The following UNC13C variants were observed in gnomAD, a reference collection of about 807,000 sequenced individuals.
UNC13C encodes unc-13 homolog C, also known as protein unc-13 homolog C.
UNC13C carries 174 observed loss-of-function variants against 245.4 expected under a neutral mutation model. That is an observed-to-expected ratio of 0.71 (90% CI 0.63 to 0.80). The LOEUF is 0.80. Ranked by LOEUF, UNC13C falls within the 30% of genes least tolerant of loss-of-function variation. The pLI is 0.00. For synonymous variants in UNC13C, 992 were observed against 895.1 expected, an observed-to-expected ratio of 1.11 and a Z score of -1.93; for missense variants, 2,829 against 2,602.9, an observed-to-expected ratio of 1.09 and a Z score of -1.89.
chr15:53,963,561 C>T, the UNC13C span, among the ~76,000 whole-genome samples: 1 of 152,104 alleles, frequency 6.6e-6, no homozygotes, highest in Non-Finnish European at 1.5e-5. Flanking sequence ...GTATCAGCCA[C>T]AGGGTGAAAT....
intron 1 of UNC13C, among the ~76,000 whole-genome samples, chr15:54,004,087 A>C (rs1340571198): frequency 6.6e-6 from 1 of 152,200 alleles, no homozygotes; most frequent in African/African-American, 2.4e-5. Flanking sequence ...GTAGTGTGCT[A>C]TCAAATATTA....
intron 1 of UNC13C, among the ~76,000 whole-genome samples, chr15:53,992,502 A>G (rs1203650644): frequency 2.0e-5 from 3 of 152,016 alleles, no homozygotes; most frequent in African/African-American, 7.2e-5. Context: ...AGCCCCAACA[A>G]GAAGGAGAGG....
At chr15:54,395,183 C>G (rs2040045038) in intron 18 of UNC13C, among the ~76,000 whole-genome samples, 1 of 151,608 alleles carries the variant, frequency 6.6e-6, no homozygotes, top group Non-Finnish European at 1.5e-5. Context: ...AATTTAGTTT[C>G]TCATTTAATT....
At chr15:53,935,417 T>C in the UNC13C span, among the ~76,000 whole-genome samples, 1 of 152,212 alleles carries the variant, frequency 6.6e-6, no homozygotes, top group African/African-American at 2.4e-5. Context: ...GAAAAACTAC[T>C]TTGTAATACT....
intron 26 of UNC13C, among the ~76,000 whole-genome samples, chr15:54,537,770 TA>T (rs1896050447): frequency 6.6e-6 from 1 of 151,884 alleles, no homozygotes; most frequent in Non-Finnish European, 1.5e-5. Flanking sequence ...GTTGTTAGAA[TA>T]ACTGGCTAGC....
chr15:54,478,319 G>C lies in UNC13C; in HGVS notation c.4934-16289G>C, dbSNP rs1197770675. Among the ~76,000 whole-genome samples, 19 of 122,472 alleles carry C rather than the reference G, an allele frequency of 1.6e-4. 1 individual carries two copies. Among genetic ancestry groups the C allele is most frequent in the Admixed American group, 7.9e-5 (1 of 12,702 alleles). 80.3% of individuals were successfully genotyped at this position (122,472 alleles called of 152,430 possible). ...TTTTGTCTCTATTTCCTTCTGTTCT[G>C]CTCTGATTTTAGTTATTTCTTGCCT... On this transcript the variant is annotated intron_variant, in intron 19 of 32. Transcript: ENST00000260323.
intron 4 of UNC13C, among the ~76,000 whole-genome samples, chr15:54,230,235 T>C (rs924187458): frequency 3.3e-5 from 5 of 152,164 alleles, no homozygotes; most frequent in African/African-American, 1.2e-4. Context: ...TTTTTCTCCA[T>C]AGCATCACCA....
chr15:54,062,753 G>A (rs556172602), intron 2 of UNC13C, among the ~76,000 whole-genome samples: 222 of 152,280 alleles, frequency 1.5e-3, no homozygotes, highest in African/African-American at 5.2e-3. Flanking sequence ...TAGAACCCAG[G>A]AATCTGTTGT....
At position 54,015,106 on chromosome 15, in the gene UNC13C, G is replaced by T; in HGVS notation, c.2203G>T (p.Val735Phe). ...GLDNEPQGQW[V>F]GQYDSYQGAN... is the part of the protein sequence containing the mutation. ...GGATAATGAACCACAAGGCCAGTGG[G>T]TTGGCCAATATGATTCTTATCAGGG... is the stretch of plus-strand genomic sequence containing the variant. Residue 735 changes from valine (V) to phenylalanine (F), a missense_variant, in exon 2 of 33, where the codon GTT (valine) becomes TTT (phenylalanine). Coordinates refer to ENST00000260323, the MANE Select transcript of UNC13C (RefSeq NM_001080534.3). The T allele has an allele frequency of 6.2e-7, 1 of 1,612,664 alleles. No individual in the cohort carries two copies. The highest frequency in any genetic ancestry group is 1.6e-4 in the Middle Eastern group (1 of 6,062).
chr15:53,958,354 A>G, the UNC13C span, among the ~76,000 whole-genome samples: 1 of 152,198 alleles, frequency 6.6e-6, no homozygotes, highest in Non-Finnish European at 1.5e-5. Flanking sequence ...ATCATTCTTT[A>G]TCTCTTTGTT....
At chr15:53,894,151 C>T in the UNC13C span, among the ~76,000 whole-genome samples, 8 of 152,330 alleles carry the variant, frequency 5.3e-5, no homozygotes, top group South Asian at 4.1e-4. Flanking sequence ...TGCTTTGGCT[C>T]GCCCTCTGTG....
At chr15:54,432,248 G>C (rs1013488986) in intron 19 of UNC13C, among the ~76,000 whole-genome samples, 9 of 151,456 alleles carry the variant, frequency 5.9e-5, no homozygotes, top group African/African-American at 2.2e-4. Flanking sequence ...GCTTATTTAA[G>C]TAAGAGCGAC....
At chr15:54,482,889 T>C (rs1040347746) in intron 19 of UNC13C, among the ~76,000 whole-genome samples, 1 of 152,250 alleles carries the variant, frequency 6.6e-6, no homozygotes, top group Admixed American at 6.5e-5. Flanking sequence ...CTAAAGGCCA[T>C]TGTAAATGAG....
chr15:54,076,859 C>T (rs1484343133), intron 2 of UNC13C, among the ~76,000 whole-genome samples: 1 of 152,140 alleles, frequency 6.6e-6, no homozygotes, highest in Non-Finnish European at 1.5e-5. Context: ...GCTTTCTTTC[C>T]ACCAGAGTTG....
At chr15:53,959,918 A>G in the UNC13C span, among the ~76,000 whole-genome samples, 366 of 152,326 alleles carry the variant, frequency 2.4e-3, 1 homozygote, top group African/African-American at 8.3e-3. Flanking sequence ...CATTTTAGAA[A>G]AAGAATTATT....
At chr15:54,127,353 C>G (rs982229181) in intron 2 of UNC13C, among the ~76,000 whole-genome samples, 1 of 152,096 alleles carries the variant, frequency 6.6e-6, no homozygotes, top group Non-Finnish European at 1.5e-5. Context: ...GACACATATA[C>G]ACGATGGAAT....
At chr15:54,025,827 T>A (rs916682628) in intron 2 of UNC13C, among the ~76,000 whole-genome samples, 1 of 152,208 alleles carries the variant, frequency 6.6e-6, no homozygotes, top group African/African-American at 2.4e-5. Flanking sequence ...TCAGGTGTCA[T>A]TTCTGTATAA....
At chr15:54,009,481 A>C (rs1326394826) in intron 1 of UNC13C, among the ~76,000 whole-genome samples, 1 of 151,974 alleles carries the variant, frequency 6.6e-6, no homozygotes, top group East Asian at 1.9e-4. Context: ...AGGAAATGCT[A>C]TTTCTGTCCC....
intron 2 of UNC13C, among the ~76,000 whole-genome samples, chr15:54,093,607 C>A (rs149771564): frequency 2.4e-4 from 37 of 152,294 alleles, no homozygotes; most frequent in African/African-American, 7.9e-4. Flanking sequence ...CACGTGGGTG[C>A]TGCAATGGTC....
Sources: allele counts gnomAD v4.1 joint callset (sites outside exome capture counted in the v4.1 genomes callset), GRCh38; gene constraint gnomAD v4.1.1; transcripts MANE v1.5; gene names NCBI Gene and HGNC (gene_info 2026-07-23, HGNC 2026-07-21).